The following LYPD6B variants were observed in gnomAD, a reference collection of about 807,000 sequenced individuals.
The protein encoded by LYPD6B is ly6/PLAUR domain-containing protein 6B.
A neutral mutation model predicts 22.8 loss-of-function variants in LYPD6B; 17 were observed. The ratio of observed to expected loss-of-function variants is 0.75; its 90% CI spans 0.51 to 1.12. The LOEUF (loss-of-function observed/expected upper bound fraction) is 1.12, where lower values mean the gene tolerates loss of function less well. Among genes scored for constraint, LYPD6B ranks in the 50% most tolerant of loss-of-function variants. The probability of loss-of-function intolerance (pLI) is 0.00; values close to 1 mark genes in which losing one functional copy is unlikely to be tolerated. For synonymous variants in LYPD6B, 106 were observed against 91.6 expected, an observed-to-expected ratio of 1.16 and a Z score of -0.90; for missense variants, 221 against 258.3, an observed-to-expected ratio of 0.86 and a Z score of 0.99.
intron 1 of LYPD6B, among the ~76,000 whole-genome samples, chr2:149,088,095 T>TCCCCCC (rs11462284): frequency 1.1e-3 from 162 of 144,350 alleles, no homozygotes; most frequent in Non-Finnish European, 1.9e-3. Flanking sequence ...CTCCTGTTGC[T>TCCCCCC]CCCCCCACCC....
intron 1 of LYPD6B, among the ~76,000 whole-genome samples, chr2:149,070,678 A>C (rs1047967697): frequency 6.6e-6 from 1 of 152,032 alleles, no homozygotes; most frequent in Non-Finnish European, 1.5e-5. Flanking sequence ...TAAGCTAGCA[A>C]TCAGCTTATT....
In LYPD6B at chr2:149,120,383, A is replaced by ATT. The variant is rs869074241; in HGVS notation, c.-66-10482_-66-10481dup. 2.0e-3 allele frequency among the ~76,000 whole-genome samples: 97 copies of ATT among 48,608 alleles called. 15 individuals carry two copies. The highest frequency in any genetic ancestry group is 7.3e-3 in the African/African-American group (69 of 9,398). The allele number at this position is 48,608 out of a possible 152,430, so 31.9% of individuals were successfully genotyped here. A position where few individuals can be genotyped will look rare whatever the true frequency, so the allele number is the denominator to read the frequency against. ...TGTGTATATATATATATATATATATATTTTTTTTTTTTTTTTTTTGAGATG... is the reference window on the plus strand; with the variant it reads ...TGTGTATATATATATATATATATATATTTTTTTTTTTTTTTTTTTTTGAGATG... On this transcript the variant is annotated intron_variant, in intron 1 of 6. Transcript: ENST00000409642.
chr2:149,125,215 T>C (rs1687626561), intron 1 of LYPD6B, among the ~76,000 whole-genome samples: 1 of 152,134 alleles, frequency 6.6e-6, no homozygotes, highest in Admixed American at 6.5e-5. Flanking sequence ...CACAAATCAC[T>C]AATCTCCAAC....
intron 3 of LYPD6B, among the ~76,000 whole-genome samples, chr2:149,172,884 A>G (rs1690940736): frequency 6.6e-6 from 1 of 151,908 alleles, no homozygotes; most frequent in African/African-American, 2.4e-5. Context: ...CAACACCATT[A>G]GCTCCCAGCT....
chr2:149,159,782 G>A (rs771299424), intron 2 of LYPD6B, among the ~76,000 whole-genome samples: 16 of 152,016 alleles, frequency 1.1e-4, no homozygotes, highest in Non-Finnish European at 2.2e-4. Context: ...AAGAGAGGCT[G>A]GAGGCAAAAT....
chr2:149,140,130 A>G (rs1267827990), intron 2 of LYPD6B, among the ~76,000 whole-genome samples: 1 of 152,120 alleles, frequency 6.6e-6, no homozygotes, highest in African/African-American at 2.4e-5. Context: ...CCAGAGGACC[A>G]TGTGCATGTG....
At chr2:149,122,416 TC>T (rs1273306313) in intron 1 of LYPD6B, among the ~76,000 whole-genome samples, 268 of 152,098 alleles carry the variant, frequency 1.8e-3, no homozygotes, top group African/African-American at 6.3e-3. Flanking sequence ...TATTATTTTT[TC>T]TTTTTCTTTT....
intron 1 of LYPD6B, among the ~76,000 whole-genome samples, chr2:149,125,257 C>G (rs1206033497): frequency 6.6e-6 from 1 of 152,098 alleles, no homozygotes; most frequent in Non-Finnish European, 1.5e-5. Flanking sequence ...ACGCCTGGCC[C>G]CGACAAAGCC....
At chr2:149,048,154 T>C (rs1354201123) in intron 1 of LYPD6B, among the ~76,000 whole-genome samples, 1 of 152,220 alleles carries the variant, frequency 6.6e-6, no homozygotes, top group Non-Finnish European at 1.5e-5. Context: ...GTATGATCTT[T>C]TCTTGCTTTT....
chr2:149,154,887 C>G (rs927296611), intron 2 of LYPD6B, among the ~76,000 whole-genome samples: 1 of 152,030 alleles, frequency 6.6e-6, no homozygotes, highest in South Asian at 2.1e-4. Context: ...TATGGACTCG[C>G]GAAATACTCA....
intron 1 of LYPD6B, among the ~76,000 whole-genome samples, chr2:149,115,085 C>T (rs1339897780): frequency 2.0e-5 from 3 of 152,060 alleles, no homozygotes; most frequent in Admixed American, 2.0e-4. Context: ...ATTACAGGCG[C>T]TCGCCACTAC....
intron 5 of LYPD6B, among the ~76,000 whole-genome samples, chr2:149,211,267 G>A (rs1209281674): frequency 6.6e-6 from 1 of 152,122 alleles, no homozygotes; most frequent in Non-Finnish European, 1.5e-5. Flanking sequence ...TGAGATTTGG[G>A]TGAGACACAG....
intron 1 of LYPD6B, among the ~76,000 whole-genome samples, chr2:149,080,866 AAC>A (rs201346048): frequency 0.028 from 3,568 of 128,476 alleles, 369 homozygotes; most frequent in African/African-American, 0.077. Context: ...AAAAAAAAAA[AAC>A]CACACAAAAA....
chr2:149,062,847 A>G (rs1321877512), intron 1 of LYPD6B, among the ~76,000 whole-genome samples: 1 of 148,898 alleles, frequency 6.7e-6, no homozygotes, highest in African/African-American at 2.5e-5. Flanking sequence ...GAAAGCTTTC[A>G]GTGATACATG....
intron 1 of LYPD6B, among the ~76,000 whole-genome samples, chr2:149,056,448 G>A (rs10190789): frequency 0.13 from 20,323 of 152,132 alleles, 1,558 homozygotes; most frequent in African/African-American, 0.2. Context: ...AGGATTTTGG[G>A]GTCTCAATGT....
chr2:149,086,363 C>T (rs903261332), intron 1 of LYPD6B, among the ~76,000 whole-genome samples: 2 of 152,202 alleles, frequency 1.3e-5, no homozygotes, highest in African/African-American at 4.8e-5. Context: ...CGTTTCATAG[C>T]AGCCTTCACC....
At chr2:149,160,945 C>T (rs1288881487) in intron 3 of LYPD6B, 110 bp downstream of exon 3, 8 of 804,478 alleles carry the variant, frequency 9.9e-6, no homozygotes, top group Non-Finnish European at 1.6e-5. Flanking sequence ...TTTCCCATCT[C>T]CTTGGCAGTT....
At chr2:149,158,592 G>A (rs556566365) in intron 2 of LYPD6B, among the ~76,000 whole-genome samples, 1 of 152,296 alleles carries the variant, frequency 6.6e-6, no homozygotes, top group Admixed American at 6.5e-5. Context: ...TATGGGAATG[G>A]ATCATGGTGA....
chr2:149,122,464 C>A (rs1687427692), intron 1 of LYPD6B, among the ~76,000 whole-genome samples: 1 of 151,106 alleles, frequency 6.6e-6, no homozygotes, highest in South Asian at 2.1e-4. Context: ...TACATGTGCA[C>A]AATGTGCAGG....
Sources: allele counts gnomAD v4.1 joint callset (sites outside exome capture counted in the v4.1 genomes callset), GRCh38; gene constraint gnomAD v4.1.1; transcripts MANE v1.5; gene names NCBI Gene and HGNC (gene_info 2026-07-23, HGNC 2026-07-21).